The following PDLIM5 variants were observed in gnomAD, a reference collection of about 807,000 sequenced individuals.
The protein encoded by PDLIM5 is PDZ and LIM domain 5.
Under a neutral mutation model 64.2 loss-of-function variants are expected in PDLIM5, and 34 were observed. That is an observed-to-expected ratio of 0.53 (90% CI 0.40 to 0.71). The LOEUF (loss-of-function observed/expected upper bound fraction) is 0.71, where lower values mean the gene tolerates loss of function less well. Among genes scored for constraint, PDLIM5 ranks in the 30% least tolerant of loss-of-function variants. PDLIM5 has a pLI of 0.00. For synonymous variants in PDLIM5, 253 were observed against 269.1 expected (o/e 0.94, Z 0.59); for missense variants, 683 against 733.6 (o/e 0.93, Z 0.80).
chr4:94,514,803 A>T (rs982902070), intron 2 of PDLIM5, among the ~76,000 whole-genome samples: 3 of 151,976 alleles, frequency 2.0e-5, no homozygotes, highest in Admixed American at 2.0e-4. Context: ...CTTCTTCTAG[A>T]TTTTCCAATT....
intron 7 of PDLIM5, among the ~76,000 whole-genome samples, chr4:94,616,334 A>T (rs1049016768): frequency 6.6e-6 from 1 of 152,218 alleles, no homozygotes; most frequent in Non-Finnish European, 1.5e-5. Context: ...TTATGTAATT[A>T]TCCTTTTAAT....
rs576607970 is a variant in PDLIM5 at position 94,598,381 on chromosome 4, A to G, written c.920+11937A>G. 2.0e-5 allele frequency among the ~76,000 whole-genome samples: 3 copies of G among 152,300 alleles called. No individual in the cohort carries two copies. The South Asian group carries it at 6.2e-4, about 32-fold the overall frequency. ...TCCTTGACGTTAATCTCTGACAATT[A>G]CATAGATAATCCCAAGAAAATCAAC... On this transcript the variant is annotated intron_variant, in intron 7 of 12. Coordinates refer to ENST00000317968, the MANE Select transcript of PDLIM5 (RefSeq NM_006457.5).
chr4:94,627,508 A>G (rs1293096613), intron 8 of PDLIM5, among the ~76,000 whole-genome samples: 1 of 152,212 alleles, frequency 6.6e-6, no homozygotes, highest in African/African-American at 2.4e-5. Context: ...TGTTCTATTA[A>G]TTGATGCATA....
At chr4:94,500,057 A>G (rs1303386480) in intron 2 of PDLIM5, among the ~76,000 whole-genome samples, 3 of 152,194 alleles carry the variant, frequency 2.0e-5, no homozygotes, top group African/African-American at 7.2e-5. Flanking sequence ...TTGTATCTGC[A>G]GGGGGTCTTG....
chr4:94,494,823 A>C (rs1279254160), intron 2 of PDLIM5, among the ~76,000 whole-genome samples: 1 of 151,602 alleles, frequency 6.6e-6, no homozygotes. Flanking sequence ...ATCTCGGCTC[A>C]CTGCAATCTC....
At position 94,593,507 on chromosome 4, in the gene PDLIM5, T is replaced by C. The variant is rs576880543; in HGVS notation, c.920+7063T>C. 1.6e-4 allele frequency among the ~76,000 whole-genome samples: 25 copies of C among 152,246 alleles called. No individual in the cohort carries two copies. The South Asian group carries it at 1.9e-3, about 11-fold the overall frequency. ...CACTGTGTCTCCTCACATGGCTTTT[T>C]CTCTGTGGGGGCACAGAGAAAGAGT... On this transcript the variant is annotated intron_variant, in intron 7 of 12. Transcript: ENST00000317968.
intron 2 of PDLIM5, among the ~76,000 whole-genome samples, chr4:94,486,987 AGTAAG>A (rs1726400471): frequency 6.6e-6 from 1 of 152,192 alleles, no homozygotes; most frequent in South Asian, 2.1e-4. Flanking sequence ...TGGGCAACAG[AGTAAG>A]ACCCTGTCTC....
intron 2 of PDLIM5, among the ~76,000 whole-genome samples, chr4:94,498,105 A>C: frequency 6.6e-6 from 1 of 152,194 alleles, no homozygotes. Context: ...CTTTCGGATC[A>C]GGGCTCAGCA....
chr4:94,460,620 CAAAAAAAAAAAAG>C (rs1023849777), intron 2 of PDLIM5, among the ~76,000 whole-genome samples: 1 of 87,766 alleles, frequency 1.1e-5, no homozygotes, highest in African/African-American at 4.1e-5. Flanking sequence ...GACCCTGTCT[CAAAAAAAAAAAAG>C]AAAAAAAAAA....
intron 5 of PDLIM5, chr4:94,582,637 C>CTGT (rs1735822943): frequency 1.2e-6 from 1 of 816,940 alleles, no homozygotes; most frequent in African/African-American, 1.7e-5. Context: ...CCCTCTTTGT[C>CTGT]TGTTGTTCAT....
At position 94,618,076 on chromosome 4, in the gene PDLIM5, C is replaced by T; in HGVS notation, c.993C>T (p.Asp331=). Residue 331 remains aspartate, a synonymous_variant, in exon 8 of 13, where the codon GAC becomes GAT. Coordinates refer to ENST00000317968, the MANE Select transcript of PDLIM5 (RefSeq NM_006457.5). ...CACGGAGCATGCCCGAGAGCCTGGACAGCCCAACCTCTGGCAGACCAGGGG... is the reference window on the plus strand; with the variant it reads ...CACGGAGCATGCCCGAGAGCCTGGATAGCCCAACCTCTGGCAGACCAGGGG... ...ASTRSMPESL[D]SPTSGRPGVT... The T allele has an allele frequency of 6.2e-7, 1 of 1,611,910 alleles. No individual in the cohort carries two copies. The highest frequency in any genetic ancestry group is 8.5e-7 in the Non-Finnish European group (1 of 1,178,960).
chr4:94,602,507 C>G (rs1329287871), intron 7 of PDLIM5, among the ~76,000 whole-genome samples: 1 of 152,126 alleles, frequency 6.6e-6, no homozygotes, highest in Non-Finnish European at 1.5e-5. Flanking sequence ...GGCTGGAATG[C>G]AATGGCAGGA....
chr4:94,595,057 T>G (rs1244767271), intron 7 of PDLIM5, among the ~76,000 whole-genome samples: 2 of 152,010 alleles, frequency 1.3e-5, no homozygotes, highest in Non-Finnish European at 2.9e-5. Context: ...TTCACAATGG[T>G]GGAGCAGGAG....
chr4:94,503,328 T>A (rs1003554354), intron 2 of PDLIM5, among the ~76,000 whole-genome samples: 1 of 152,220 alleles, frequency 6.6e-6, no homozygotes, highest in Non-Finnish European at 1.5e-5. Context: ...GAAATAACTT[T>A]TTGGATACTG....
At chr4:94,660,903 T>C (rs1013295653) in intron 11 of PDLIM5, among the ~76,000 whole-genome samples, 21 of 138,254 alleles carry the variant, frequency 1.5e-4, no homozygotes, top group Admixed American at 1.4e-3. Flanking sequence ...GGAAACCCTG[T>C]CTTTACTAAA....
rs367820621 is a variant in PDLIM5 at position 94,579,472 on chromosome 4, A to G, written c.710+3438A>G. 6.8e-6 allele frequency: 7 copies of G among 1,024,676 alleles called. No homozygotes were observed. In the African/African-American group the frequency reaches 1.2e-4, roughly 17 times the overall value. 63.5% of individuals were successfully genotyped at this position (1,024,676 alleles called of 1,614,324 possible). On this transcript the variant is annotated intron_variant, in intron 5 of 12. Transcript: ENST00000317968. ...TGAAGAACCTGGCCTTGGAAGATTA[A>G]AAAAAAATGATGTGGTAGTAATATT...
rs147442464 is a variant in PDLIM5, at chr4:94,566,854, A to T, written c.249-6497A>T. On this transcript the variant is annotated intron_variant, in intron 3 of 12. Transcript: ENST00000317968. Reference sequence around the variant, plus strand: ...GTATATGACCCTCATTCAGCATCTGACCTTTATGAAAGTTTTCCGGAAGCA... The same window carrying T: ...GTATATGACCCTCATTCAGCATCTGTCCTTTATGAAAGTTTTCCGGAAGCA... 2.2e-4 allele frequency among the ~76,000 whole-genome samples: 33 copies of T among 152,290 alleles called. No individual in the cohort carries two copies. In the East Asian group the frequency reaches 6.4e-3, roughly 29 times the overall value.
In PDLIM5 at chr4:94,618,008, T is replaced by C. The variant is rs755906456; in HGVS notation, c.925T>C (p.Ser309Pro). 1 of 1,548,180 alleles carries C rather than the reference T, an allele frequency of 6.5e-7. No homozygotes were observed. The highest frequency in any genetic ancestry group is 2.4e-5 in the East Asian group (1 of 42,536). Residue 309 changes from serine to proline, a missense_variant, in exon 8 of 13, where the codon TCT becomes CCT. Coordinates refer to ENST00000317968, the MANE Select transcript of PDLIM5 (RefSeq NM_006457.5). ...EADNTKKANN[S>P]QEPSPQLASS... Reference sequence around the variant, plus strand: ...GTTTCTTTATTTCCTTTACAGTAACTCTCAGGAGCCTTCTCCGCAGTTGGC... The same window carrying C: ...GTTTCTTTATTTCCTTTACAGTAACCCTCAGGAGCCTTCTCCGCAGTTGGC...
intron 2 of PDLIM5, among the ~76,000 whole-genome samples, chr4:94,516,080 A>T (rs2110115978): frequency 6.6e-6 from 1 of 152,334 alleles, no homozygotes; most frequent in African/African-American, 2.4e-5. Flanking sequence ...ATTTATTAGG[A>T]CTTTGGTAGA....
Sources: allele counts gnomAD v4.1 joint callset (sites outside exome capture counted in the v4.1 genomes callset), GRCh38; gene constraint gnomAD v4.1.1; transcripts MANE v1.5; gene names NCBI Gene and HGNC (gene_info 2026-07-23, HGNC 2026-07-21).